ARHGAP26: variants seen among roughly 807,000 people sequenced by gnomAD.
ARHGAP26 encodes Rho GTPase activating protein 26, also known as rho GTPase-activating protein 26.
ARHGAP26 carries 38 observed loss-of-function variants against 104.8 expected under a neutral mutation model. That is an observed-to-expected ratio of 0.36 (90% CI 0.28 to 0.48). ARHGAP26 has a LOEUF of 0.48. Ranked by LOEUF, ARHGAP26 falls within the 20% of genes least tolerant of loss-of-function variation. The pLI, the probability that ARHGAP26 is intolerant of heterozygous loss-of-function variation, is 0.99. For missense variants in ARHGAP26, 704 were observed against 947.9 expected, an observed-to-expected ratio of 0.74 and a Z score of 3.38; for synonymous variants, 341 against 340.0, an observed-to-expected ratio of 1.00 and a Z score of -0.03.
chr5:143,068,464 A>G (rs556651203), intron 17 of ARHGAP26, among the ~76,000 whole-genome samples: 19 of 152,294 alleles, frequency 1.2e-4, no homozygotes, highest in African/African-American at 4.6e-4. Flanking sequence ...CGACAGGGGA[A>G]CCCAGTGCTC....
intron 9 of ARHGAP26, among the ~76,000 whole-genome samples, chr5:142,908,467 C>T (rs776466216): frequency 3.9e-5 from 6 of 152,198 alleles, no homozygotes; most frequent in Admixed American, 2.6e-4. Flanking sequence ...CCCAGGGCCT[C>T]GCCATTTGGT....
Position 142,871,159 on chromosome 5 carries a change from C to T in ARHGAP26, c.155-2241C>T, listed in dbSNP as rs550066497. On this transcript the variant is annotated intron_variant, in intron 1 of 22. Coordinates refer to ENST00000645722, the MANE Select transcript of ARHGAP26 (RefSeq NM_001135608.3). The surrounding 1 kb of genome is among the most constrained non-coding windows in gnomAD (Gnocchi z 4.1). ...CTTCAGCTTCATGGGGTCCTCACTGCTTCTCAGGCTTGCACTGTGGCAGGG... is the reference window on the plus strand; with the variant it reads ...CTTCAGCTTCATGGGGTCCTCACTGTTTCTCAGGCTTGCACTGTGGCAGGG... Among the ~76,000 whole-genome samples, 5 of 152,312 alleles carry T rather than the reference C, an allele frequency of 3.3e-5. No homozygotes were observed. The South Asian group carries it at 1.0e-3, about 32-fold the overall frequency.
chr5:143,099,574 C>A (rs1671147357), intron 17 of ARHGAP26, among the ~76,000 whole-genome samples: 1 of 152,186 alleles, frequency 6.6e-6, no homozygotes, highest in African/African-American at 2.4e-5. Flanking sequence ...AAATTTGTAA[C>A]CACATTCAAA....
At chr5:143,181,562 T>C (rs1424840512) in intron 20 of ARHGAP26, among the ~76,000 whole-genome samples, 1 of 152,230 alleles carries the variant, frequency 6.6e-6, no homozygotes, top group Non-Finnish European at 1.5e-5. Context: ...TCTCATTCTC[T>C]GTGGGCCATA....
chr5:142,874,461 C>T (rs1755787137), intron 2 of ARHGAP26, among the ~76,000 whole-genome samples: 1 of 152,164 alleles, frequency 6.6e-6, no homozygotes, highest in African/African-American at 2.4e-5. Flanking sequence ...AAAATGTATC[C>T]TTGTAACTTG....
At chr5:142,790,535 A>T (rs2151905548) in intron 1 of ARHGAP26, among the ~76,000 whole-genome samples, 1 of 152,260 alleles carries the variant, frequency 6.6e-6, no homozygotes, top group South Asian at 2.1e-4. Context: ...ACTCTTTCTC[A>T]TCCAGAATTT....
At chr5:143,084,849 A>G (rs1294997877) in intron 17 of ARHGAP26, among the ~76,000 whole-genome samples, 1 of 152,096 alleles carries the variant, frequency 6.6e-6, no homozygotes, top group African/African-American at 2.4e-5. Flanking sequence ...GATGGAGACC[A>G]TCCTGGCCAA....
At chr5:143,164,226 G>A (rs893174999) in intron 20 of ARHGAP26, among the ~76,000 whole-genome samples, 1 of 152,138 alleles carries the variant, frequency 6.6e-6, no homozygotes, top group African/African-American at 2.4e-5. Context: ...AGAATGAGTA[G>A]TTCTTTAAAC....
At position 143,224,301 on chromosome 5, in the gene ARHGAP26, A is replaced by T. The variant is rs745718128; in HGVS notation, c.*1855A>T. 69 of 231,866 alleles carry T rather than the reference A, an allele frequency of 3.0e-4. No homozygotes were observed. Among genetic ancestry groups the T allele is most frequent in the Non-Finnish European group, 5.2e-4 (61 of 116,944 alleles). 14.4% of individuals were successfully genotyped at this position (231,866 alleles called of 1,614,324 possible). On this transcript the variant is annotated 3_prime_UTR_variant, in exon 23 of 23. Coordinates refer to ENST00000645722, the MANE Select transcript of ARHGAP26 (RefSeq NM_001135608.3). ...GGTCACTGTCCCCGCTTCGGCCTGA[A>T]GGAAAGAGAAGACATTTCTATGGCC...
At chr5:142,851,405 CA>C (rs1184700398) in intron 1 of ARHGAP26, among the ~76,000 whole-genome samples, 1 of 152,192 alleles carries the variant, frequency 6.6e-6, no homozygotes, top group Non-Finnish European at 1.5e-5. Context: ...CCGGAAAATA[CA>C]TTTTTGACAT....
At chr5:142,928,559 A>G (rs907927400) in intron 10 of ARHGAP26, among the ~76,000 whole-genome samples, 6 of 152,206 alleles carry the variant, frequency 3.9e-5, no homozygotes, top group Admixed American at 1.3e-4. Flanking sequence ...CTGCGGTGCC[A>G]TCACATTTGC....
intron 11 of ARHGAP26, among the ~76,000 whole-genome samples, chr5:142,993,817 TTTTTCTTTTC>T (rs143838874): frequency 8.0e-5 from 12 of 149,864 alleles, no homozygotes; most frequent in South Asian, 2.1e-4. Flanking sequence ...AGCTAATTTC[TTTTTCTTTTC>T]TTTTCTTTTC....
At chr5:143,158,568 G>GA (rs897807735) in intron 20 of ARHGAP26, among the ~76,000 whole-genome samples, 7 of 151,178 alleles carry the variant, frequency 4.6e-5, no homozygotes, top group South Asian at 4.2e-4. Flanking sequence ...AAGAGCTTCT[G>GA]AAAAAAAAAT....
At position 142,839,207 on chromosome 5, in the gene ARHGAP26, C is replaced by G. The variant is rs76793483; in HGVS notation, c.155-34193C>G. 5.6e-3 allele frequency among the ~76,000 whole-genome samples: 842 copies of G among 150,326 alleles called. 13 individuals are homozygous for G. Among genetic ancestry groups the G allele is most frequent in the African/African-American group, 0.019 (799 of 41,086 alleles). On this transcript the variant is annotated intron_variant, in intron 1 of 22. Transcript: ENST00000645722. ...GTTTGAGATGAGTCGTTTGAGTTTACTGGGTTTGAGTCTCTGTTCTTATGC... is the reference window on the plus strand; with the variant it reads ...GTTTGAGATGAGTCGTTTGAGTTTAGTGGGTTTGAGTCTCTGTTCTTATGC...
At chr5:142,981,964 T>C (rs1233388606) in intron 11 of ARHGAP26, among the ~76,000 whole-genome samples, 1 of 152,238 alleles carries the variant, frequency 6.6e-6, no homozygotes, top group Admixed American at 6.5e-5. Flanking sequence ...CGTGCAGGCT[T>C]TCATTGCATT....
rs147199508 is a variant in ARHGAP26 at position 142,905,842 on chromosome 5, T to C, written c.833-1862T>C. 4.4e-3 allele frequency among the ~76,000 whole-genome samples: 671 copies of C among 152,336 alleles called. 3 individuals carry two copies. Among genetic ancestry groups the C allele is most frequent in the Middle Eastern group, 0.037 (11 of 294 alleles). ...CACCAACCTAATATCAAATTTAACA[T>C]TGGTGCAATATTTAATCTGAACTAC... On this transcript the variant is annotated intron_variant, in intron 8 of 22. Coordinates refer to ENST00000645722, the MANE Select transcript of ARHGAP26 (RefSeq NM_001135608.3).
chr5:143,054,568 T>C, intron 15 of ARHGAP26, 42 bp downstream of exon 15: 2 of 1,409,506 alleles, frequency 1.4e-6, no homozygotes, highest in South Asian at 2.4e-5. Flanking sequence ...CAGCTAGTTA[T>C]CATGCAATCA....
intron 11 of ARHGAP26, among the ~76,000 whole-genome samples, chr5:142,967,840 T>C (rs537536795): frequency 6.6e-6 from 1 of 152,244 alleles, no homozygotes; most frequent in South Asian, 2.1e-4. Context: ...CGGATATGAA[T>C]GATGGCAGCT....
chr5:143,098,931 A>G (rs1177001018), intron 17 of ARHGAP26, among the ~76,000 whole-genome samples: 7 of 152,338 alleles, frequency 4.6e-5, no homozygotes, highest in African/African-American at 1.7e-4. Context: ...TAAACACGTC[A>G]AAGGTCTATG....
Sources: allele counts gnomAD v4.1 joint callset (sites outside exome capture counted in the v4.1 genomes callset), GRCh38; gene constraint gnomAD v4.1.1; non-coding constraint Gnocchi (gnomAD v3.1); transcripts MANE v1.5; gene names NCBI Gene and HGNC (gene_info 2026-07-23, HGNC 2026-07-21).